Variants in CTNNA2 observed in about 807,000 individuals in gnomAD.
CTNNA2 encodes the protein catenin alpha 2.
Under a neutral mutation model 101.0 loss-of-function variants are expected in CTNNA2, and 42 were observed. The observed-to-expected ratio is 0.42, with a 90% CI of 0.32 to 0.54. CTNNA2 has a LOEUF of 0.54. CTNNA2 is among the 20% of genes least tolerant of loss of function. CTNNA2 has a pLI of 0.14. For synonymous variants in CTNNA2, 450 were observed against 456.4 expected (o/e 0.99, Z 0.18); for missense variants, 871 against 1,223.1 (o/e 0.71, Z 4.29).
At chr2:79,713,845 T>C (rs1454978165) in intron 2 of CTNNA2, among the ~76,000 whole-genome samples, 1 of 152,168 alleles carries the variant, frequency 6.6e-6, no homozygotes, top group African/African-American at 2.4e-5. Flanking sequence ...TAATTATTAC[T>C]TACGCCCAAG....
chr2:79,253,898 T>C (rs973737554), intron 2 of CTNNA2, among the ~76,000 whole-genome samples: 11 of 152,326 alleles, frequency 7.2e-5, no homozygotes, highest in African/African-American at 2.2e-4. Context: ...TTGGCTGTCC[T>C]GTAAGAAAAA....
chr2:79,467,609 G>T (rs1053133041), intron 4 of CTNNA2, among the ~76,000 whole-genome samples: 119 of 152,312 alleles, frequency 7.8e-4, no homozygotes, highest in African/African-American at 2.7e-3. Flanking sequence ...AGGAAAAAAT[G>T]TTAAGGGCAG....
intron 7 of CTNNA2, among the ~76,000 whole-genome samples, chr2:80,334,039 C>T (rs1339771642): frequency 2.0e-5 from 3 of 152,190 alleles, no homozygotes; most frequent in Non-Finnish European, 4.4e-5. Flanking sequence ...ATGTGGCCAA[C>T]TGTGGCAGCC....
chr2:79,555,445 T>TA (rs1212430498), intron 1 of CTNNA2, among the ~76,000 whole-genome samples: 3 of 152,140 alleles, frequency 2.0e-5, no homozygotes, highest in Admixed American at 6.6e-5. Flanking sequence ...CAATAGTTAA[T>TA]ATGAGTTTAC....
At chr2:80,114,365 A>C (rs1335993352) in intron 7 of CTNNA2, among the ~76,000 whole-genome samples, 1 of 152,206 alleles carries the variant, frequency 6.6e-6, no homozygotes, top group Non-Finnish European at 1.5e-5. Context: ...GAAAATATTC[A>C]TTTTTAAAAC....
At chr2:79,753,910 C>T (rs1167595510) in intron 3 of CTNNA2, among the ~76,000 whole-genome samples, 2 of 148,252 alleles carry the variant, frequency 1.3e-5, no homozygotes, top group African/African-American at 5.1e-5. Flanking sequence ...GCTCTGTCAC[C>T]CAGGTTGGAG....
intron 15 of CTNNA2, among the ~76,000 whole-genome samples, chr2:80,602,243 TAATCAAA>T (rs1697617485): frequency 6.6e-6 from 1 of 152,048 alleles, no homozygotes; most frequent in South Asian, 2.1e-4. Flanking sequence ...GTCTCCGGTG[TAATCAAA>T]AAGACATGCT....
chr2:79,526,123 C>G (rs879402948), intron 1 of CTNNA2, among the ~76,000 whole-genome samples: 1 of 151,898 alleles, frequency 6.6e-6, no homozygotes, highest in Non-Finnish European at 1.5e-5. Context: ...ATAAATACTC[C>G]TTTTTGAGTA....
intron 18 of CTNNA2, among the ~76,000 whole-genome samples, chr2:80,629,440 A>G (rs1293711871): frequency 6.6e-6 from 1 of 152,210 alleles, no homozygotes; most frequent in Non-Finnish European, 1.5e-5. Context: ...TGAAATCCAC[A>G]GTTCTGAAAC....
At chr2:80,336,649 A>C (rs909799275) in intron 7 of CTNNA2, among the ~76,000 whole-genome samples, 11 of 152,314 alleles carry the variant, frequency 7.2e-5, no homozygotes, top group African/African-American at 2.6e-4. Context: ...CCATTTTAAA[A>C]ATTTCAAAAC....
chr2:80,535,124 CAT>C (rs1294980245), intron 9 of CTNNA2, among the ~76,000 whole-genome samples: 1 of 152,190 alleles, frequency 6.6e-6, no homozygotes, highest in Non-Finnish European at 1.5e-5. Flanking sequence ...CAAGTGATCA[CAT>C]AGAGCTCCCT....
intron 1 of CTNNA2, among the ~76,000 whole-genome samples, chr2:79,567,758 T>G (rs1319011759): frequency 2.6e-5 from 4 of 152,074 alleles, no homozygotes; most frequent in Non-Finnish European, 4.4e-5. Context: ...AGGGATGTAT[T>G]CCACAATACA....
chr2:79,920,552 T>A (rs1240864333), intron 7 of CTNNA2, among the ~76,000 whole-genome samples: 4 of 152,158 alleles, frequency 2.6e-5, no homozygotes, highest in Non-Finnish European at 5.9e-5. Flanking sequence ...CCTCTAATAA[T>A]AAAGAAACAA....
intron 1 of CTNNA2, among the ~76,000 whole-genome samples, chr2:79,523,944 T>A (rs1374939897): frequency 1.3e-5 from 2 of 152,106 alleles, no homozygotes; most frequent in Non-Finnish European, 2.9e-5. Context: ...TATTTTAATT[T>A]AAGGACTGAA....
chr2:80,042,336 G>C (rs969289049), intron 7 of CTNNA2, among the ~76,000 whole-genome samples: 1 of 152,164 alleles, frequency 6.6e-6, no homozygotes, highest in African/African-American at 2.4e-5. Flanking sequence ...TAATGATCTG[G>C]TGCGGAATGG....
chr2:80,186,001 T>C (rs1466683370), intron 7 of CTNNA2, among the ~76,000 whole-genome samples: 3 of 152,176 alleles, frequency 2.0e-5, no homozygotes, highest in Admixed American at 6.5e-5. Flanking sequence ...TGTGAGCCAA[T>C]TGTTGTGGAG....
chr2:80,562,036 A>G (rs958761441), intron 12 of CTNNA2, among the ~76,000 whole-genome samples: 1 of 150,322 alleles, frequency 6.7e-6, no homozygotes, highest in Non-Finnish European at 1.5e-5. Flanking sequence ...AACTTTTGGA[A>G]TATAAATGCA....
chr2:80,377,373 G>C (rs1473000737), intron 7 of CTNNA2, among the ~76,000 whole-genome samples: 1 of 152,190 alleles, frequency 6.6e-6, no homozygotes, highest in Non-Finnish European at 1.5e-5. Context: ...TTTCATGCTA[G>C]ACTCAGAGAT....
At chr2:79,666,429 G>A (rs1048610983) in intron 2 of CTNNA2, among the ~76,000 whole-genome samples, 3 of 152,150 alleles carry the variant, frequency 2.0e-5, no homozygotes, top group Non-Finnish European at 4.4e-5. Flanking sequence ...TGACTTTGAT[G>A]TCATGGGACT....
Sources: gnomAD v4.1 joint callset for allele counts (sites outside exome capture counted in the v4.1 genomes callset) on GRCh38, gnomAD v4.1.1 for gene constraint, MANE v1.5 for transcripts, NCBI Gene and HGNC (gene_info 2026-07-23, HGNC 2026-07-21) for gene names.